The following EVI5 variants were observed in gnomAD, a reference collection of about 807,000 sequenced individuals.
EVI5 encodes ecotropic viral integration site 5.
In EVI5, 73 loss-of-function variants were observed where a neutral mutation model predicts 112.0. The ratio of observed to expected loss-of-function variants is 0.65; its 90% CI spans 0.54 to 0.79. EVI5 has a LOEUF of 0.79. Among genes scored for constraint, EVI5 ranks in the 30% least tolerant of loss-of-function variants. The pLI is 0.00. For missense variants in EVI5, 900 were observed against 968.8 expected, an observed-to-expected ratio of 0.93 and a Z score of 0.94; for synonymous variants, 305 against 319.9, an observed-to-expected ratio of 0.95 and a Z score of 0.50.
chr1:92,600,825 T>C (rs1208245686), intron 18 of EVI5, among the ~76,000 whole-genome samples: 1 of 152,120 alleles, frequency 6.6e-6, no homozygotes, highest in Non-Finnish European at 1.5e-5. Flanking sequence ...CTGATACCTG[T>C]CTGTGGCCTG....
At chr1:92,589,183 C>A (rs567282788) in intron 18 of EVI5, among the ~76,000 whole-genome samples, 1 of 152,160 alleles carries the variant, frequency 6.6e-6, no homozygotes, top group African/African-American at 2.4e-5. Flanking sequence ...CAGCTCCCAG[C>A]GTGAGTGATG....
At chr1:92,659,684 T>C (rs1013556758) in intron 13 of EVI5, among the ~76,000 whole-genome samples, 6 of 152,038 alleles carry the variant, frequency 3.9e-5, no homozygotes, top group African/African-American at 1.4e-4. Context: ...GTATGGAGAT[T>C]TCTCAAAGAA....
intron 16 of EVI5, among the ~76,000 whole-genome samples, chr1:92,615,030 G>C (rs984438237): frequency 3.3e-5 from 5 of 151,726 alleles, no homozygotes; most frequent in Admixed American, 6.6e-5. Flanking sequence ...TCTGGAGTTG[G>C]CTGCTTAATA....
At chr1:92,526,023 T>G (rs1033801217) in intron 19 of EVI5, among the ~76,000 whole-genome samples, 2 of 151,710 alleles carry the variant, frequency 1.3e-5, no homozygotes, top group Non-Finnish European at 2.9e-5. Flanking sequence ...TTGAGTAGGG[T>G]TCTGGCTTCT....
chr1:92,759,267 G>A (rs1233381084), intron 1 of EVI5, among the ~76,000 whole-genome samples: 1 of 152,128 alleles, frequency 6.6e-6, no homozygotes, highest in African/African-American at 2.4e-5. Context: ...TTCATTATAA[G>A]TGATCCATAT....
intron 18 of EVI5, among the ~76,000 whole-genome samples, chr1:92,596,935 C>T (rs535495261): frequency 6.6e-6 from 1 of 152,046 alleles, no homozygotes; most frequent in African/African-American, 2.4e-5. Context: ...ATAAGGTCTA[C>T]GAGCTGTTTT....
chr1:92,704,577 T>C lies in EVI5; in HGVS notation c.317A>G (p.Lys106Arg), dbSNP rs769582606. ...RIVNEWEDVR[K>R]KKEKQVKELV... is the part of the protein sequence containing the mutation. Reference sequence around the variant, plus strand: ...TACCTTAACTTGCTTTTCCTTCTTTTTGCGTACATCTTCCCATTCATTAAC... The same window carrying C: ...TACCTTAACTTGCTTTTCCTTCTTTCTGCGTACATCTTCCCATTCATTAAC... The change falls in exon 3 of 20, where the codon AAA becomes AGA. Residue 106 changes from lysine (K) to arginine (R), a missense_variant. Lys to Arg is a conservative substitution (Grantham distance 26). Coordinates refer to ENST00000684568, the MANE Select transcript of EVI5 (RefSeq NM_001350197.2). The C allele has an allele frequency of 1.3e-6, 2 of 1,579,398 alleles. No homozygotes were observed. The highest frequency in any genetic ancestry group is 1.9e-5 in the Admixed American group (1 of 53,040).
chr1:92,767,906 A>C (rs4847335), intron 1 of EVI5, among the ~76,000 whole-genome samples: 139,813 of 152,108 alleles, frequency 0.92, 64,336 homozygotes, highest in East Asian at 0.97. Flanking sequence ...GTGGCGAAAC[A>C]CTGTCTCTAC....
intron 19 of EVI5, among the ~76,000 whole-genome samples, chr1:92,535,532 G>A (rs1159623614): frequency 6.6e-6 from 1 of 152,120 alleles, no homozygotes; most frequent in Non-Finnish European, 1.5e-5. Flanking sequence ...TGATAGACTG[G>A]ATCAAGAAAA....
At chr1:92,580,512 T>C (rs1205957377) in intron 18 of EVI5, 1 of 161,176 alleles carries the variant, frequency 6.2e-6, no homozygotes, top group Middle Eastern at 1.4e-3. Flanking sequence ...TATTACTAAG[T>C]TGCTTATTGT....
At chr1:92,711,559 G>A (rs1430727771) in intron 2 of EVI5, among the ~76,000 whole-genome samples, 1 of 152,148 alleles carries the variant, frequency 6.6e-6, no homozygotes, top group African/African-American at 2.4e-5. Context: ...GAAGGCTGAA[G>A]TAGAAGGACT....
intron 1 of EVI5, among the ~76,000 whole-genome samples, chr1:92,748,702 A>G (rs1022255005): frequency 2.8e-5 from 4 of 144,382 alleles, no homozygotes; most frequent in Non-Finnish European, 6.3e-5. Flanking sequence ...GGCTTCAAAT[A>G]ATTGAGAAAA....
intron 16 of EVI5, among the ~76,000 whole-genome samples, 163 bp from the exon 17 acceptor site, chr1:92,607,890 TAA>T (rs1302669475): frequency 6.6e-6 from 1 of 151,946 alleles, no homozygotes; most frequent in Admixed American, 6.6e-5. Flanking sequence ...AAACTGCCTT[TAA>T]AATCAAGTCA....
intron 17 of EVI5, among the ~76,000 whole-genome samples, chr1:92,606,055 T>C (rs1004138758): frequency 6.6e-6 from 1 of 152,148 alleles, no homozygotes; most frequent in Admixed American, 6.5e-5. Context: ...TCACGAAAGA[T>C]TGAATAAATT....
chr1:92,750,645 TAATA>T (rs1396137820), intron 1 of EVI5, among the ~76,000 whole-genome samples: 1 of 152,190 alleles, frequency 6.6e-6, no homozygotes, highest in Non-Finnish European at 1.5e-5. Flanking sequence ...CCTTTGGCTA[TAATA>T]AATGTCTACC....
intron 1 of EVI5, among the ~76,000 whole-genome samples, chr1:92,781,855 AAGG>A (rs762363005): frequency 3.6e-4 from 53 of 146,942 alleles, no homozygotes; most frequent in Non-Finnish European, 7.3e-4. Flanking sequence ...CTTGGGGGTT[AAGG>A]CAGGAGGAAT....
intron 19 of EVI5, among the ~76,000 whole-genome samples, chr1:92,541,228 A>C (rs904665869): frequency 1.2e-4 from 19 of 152,222 alleles, no homozygotes; most frequent in African/African-American, 4.6e-4. Flanking sequence ...ATATTTAAAA[A>C]TCAGAAATAA....
chr1:92,751,202 T>C (rs922097623), intron 1 of EVI5, among the ~76,000 whole-genome samples: 1 of 152,230 alleles, frequency 6.6e-6, no homozygotes, highest in Non-Finnish European at 1.5e-5. Flanking sequence ...CAATATTCAG[T>C]GTATGCATTA....
intron 1 of EVI5, among the ~76,000 whole-genome samples, chr1:92,759,986 T>G (rs965090031): frequency 6.6e-6 from 1 of 152,134 alleles, no homozygotes; most frequent in African/African-American, 2.4e-5. Flanking sequence ...AAGTGAGTTT[T>G]AATAGTTTGC....
Sources: gnomAD v4.1 joint callset for allele counts (sites outside exome capture counted in the v4.1 genomes callset) on GRCh38, gnomAD v4.1.1 for gene constraint, MANE v1.5 for transcripts, NCBI Gene and HGNC (gene_info 2026-07-23, HGNC 2026-07-21) for gene names.